MYO5B: variants seen among roughly 807,000 people sequenced by gnomAD.
MYO5B encodes myosin VB.
In MYO5B, 143 loss-of-function variants were observed where a neutral mutation model predicts 229.3. The observed-to-expected ratio is 0.62, with a 90% CI of 0.54 to 0.72. The LOEUF (loss-of-function observed/expected upper bound fraction) is 0.72. Ranked by LOEUF, MYO5B falls within the 30% of genes least tolerant of loss-of-function variation. MYO5B has a pLI of 0.00. For synonymous variants in MYO5B, 918 were observed against 885.2 expected (o/e 1.04, Z -0.66); for missense variants, 2,321 against 2,331.0 (o/e 1.00, Z 0.09).
chr18:50,090,923 A>C (rs1350873658), intron 1 of MYO5B, among the ~76,000 whole-genome samples: 1 of 152,234 alleles, frequency 6.6e-6, no homozygotes, highest in Non-Finnish European at 1.5e-5. Flanking sequence ...TTTTCAGCAG[A>C]AACAATTCTA....
intron 13 of MYO5B, among the ~76,000 whole-genome samples, chr18:49,953,590 T>C (rs1044330504): frequency 5.3e-5 from 8 of 152,222 alleles, no homozygotes; most frequent in Non-Finnish European, 1.0e-4. Context: ...TTCAGGGATC[T>C]ATAAATGCAG....
chr18:49,903,477 GA>G (rs2144145581), intron 20 of MYO5B, among the ~76,000 whole-genome samples: 1 of 152,274 alleles, frequency 6.6e-6, no homozygotes, highest in African/African-American at 2.4e-5. Context: ...CCCCTGCTGA[GA>G]AACTCCCAAA....
intron 1 of MYO5B, among the ~76,000 whole-genome samples, chr18:50,092,260 A>C (rs1455667946): frequency 6.6e-6 from 1 of 152,246 alleles, no homozygotes; most frequent in East Asian, 1.9e-4. Flanking sequence ...CTGTAGTAGC[A>C]GATGCAGCCC....
At chr18:49,929,485 G>C (rs773627715) in intron 17 of MYO5B, 27 bp downstream of exon 17, 7 of 1,581,482 alleles carry the variant, frequency 4.4e-6, no homozygotes, top group Non-Finnish European at 6.0e-6. Context: ...GCAGCCCCAG[G>C]AGGCAGCTGG....
intron 1 of MYO5B, among the ~76,000 whole-genome samples, chr18:50,176,958 C>T (rs1157310599): frequency 1.3e-5 from 2 of 152,128 alleles, no homozygotes; most frequent in African/African-American, 4.8e-5. Context: ...TGTTAGCCTG[C>T]CAGGACCATA....
rs11393869 is a variant in MYO5B, at chr18:50,090,338, C to CAAA, written c.28-34963_28-34961dup. Among the ~76,000 whole-genome samples the CAAA allele has an allele frequency of 3.5e-3, 477 of 136,340 alleles. 2 individuals carry two copies. Among genetic ancestry groups the CAAA allele is most frequent in the Middle Eastern group, 7.5e-3 (2 of 268 alleles). 89.4% of individuals were successfully genotyped at this position (136,340 alleles called of 152,430 possible). A position where few individuals can be genotyped will look rare whatever the true frequency, so the allele number is the denominator to read the frequency against. The stretch of plus-strand genomic sequence containing the variant: ...AGCCTAGGTTACAGAGCAAGACCCT[C>CAAA]AAAAAAAAAAAAAAAAATTCCCTCT... On this transcript the variant is annotated intron_variant, in intron 1 of 39. Transcript: ENST00000285039.
chr18:49,922,202 C>T (rs956346871), intron 17 of MYO5B, among the ~76,000 whole-genome samples: 3 of 152,222 alleles, frequency 2.0e-5, no homozygotes, highest in Non-Finnish European at 4.4e-5. Context: ...GTAGCTAACA[C>T]CTTGTTGGGC....
At chr18:49,916,473 G>A (rs2025015476) in intron 17 of MYO5B, among the ~76,000 whole-genome samples, 1 of 152,252 alleles carries the variant, frequency 6.6e-6, no homozygotes, top group Non-Finnish European at 1.5e-5. Context: ...TAGCCAGGGA[G>A]TTCAGGAGAT....
intron 1 of MYO5B, among the ~76,000 whole-genome samples, chr18:50,123,104 T>A (rs1023021520): frequency 6.6e-6 from 1 of 152,214 alleles, no homozygotes; most frequent in African/African-American, 2.4e-5. Context: ...ATGCGGTACA[T>A]CCCTACAACG....
At chr18:50,086,989 C>T (rs899130498) in intron 1 of MYO5B, among the ~76,000 whole-genome samples, 24 of 152,172 alleles carry the variant, frequency 1.6e-4, no homozygotes, top group African/African-American at 5.8e-4. Flanking sequence ...TAAACCTCTA[C>T]AGTAAATTGT....
intron 2 of MYO5B, 116 bp from the exon 3 acceptor site, chr18:50,040,430 A>G: frequency 9.2e-7 from 1 of 1,085,348 alleles, no homozygotes; most frequent in Admixed American, 1.7e-5. Flanking sequence ...AGTAATGAAG[A>G]TAATGTTTTA....
chr18:49,910,064 T>C (rs1267120186), intron 18 of MYO5B, among the ~76,000 whole-genome samples: 1 of 152,080 alleles, frequency 6.6e-6, no homozygotes, highest in Non-Finnish European at 1.5e-5. Context: ...TGCTAGACCA[T>C]GGGAAGCAGG....
chr18:49,986,599 G>A (rs2025873133), intron 7 of MYO5B, among the ~76,000 whole-genome samples: 1 of 152,190 alleles, frequency 6.6e-6, no homozygotes, highest in Non-Finnish European at 1.5e-5. Context: ...TTTTAATGAG[G>A]AAAACCACAT....
intron 33 of MYO5B, 83 bp downstream of exon 33, chr18:49,847,063 T>C (rs1487054867): frequency 2.4e-5 from 35 of 1,446,112 alleles, no homozygotes; most frequent in Middle Eastern, 4.1e-4. Flanking sequence ...AAGGAAGGGG[T>C]GTGGGGGTTG....
At position 49,864,180 on chromosome 18, in the gene MYO5B, G is replaced by C. The variant is rs751424284; in HGVS notation, c.3804C>G (p.Ile1268Met). 1 of 1,612,416 alleles carries C rather than the reference G, an allele frequency of 6.2e-7. No individual in the cohort carries two copies. The highest frequency in any genetic ancestry group is 8.5e-7 in the Non-Finnish European group (1 of 1,180,010). Reference sequence around the variant, plus strand: ...CGAGTCGCCGCTGGTCGGCGCTCACGATCTGGGTCCTGAGGATGAGCACCT... The same window carrying C: ...CGAGTCGCCGCTGGTCGGCGCTCACCATCTGGGTCCTGAGGATGAGCACCT... ...KEEVLILRTQ[I>M]VSADQRRLAG... Residue 1268 changes from isoleucine (I) to methionine (M), a missense_variant, in exon 28 of 40, where the codon ATC becomes ATG. This residue lies in a region of MYO5B where 2,113 missense variants were observed against 2,044.7 expected (regional missense o/e 1.03). Coordinates refer to ENST00000285039, the MANE Select transcript of MYO5B (RefSeq NM_001080467.3).
At chr18:50,077,378 G>C (rs2031108908) in intron 1 of MYO5B, among the ~76,000 whole-genome samples, 1 of 151,990 alleles carries the variant, frequency 6.6e-6, no homozygotes, top group Non-Finnish European at 1.5e-5. Context: ...CAACTCGGAA[G>C]TCCCTTTCTA....
At chr18:49,875,606 A>T in intron 26 of MYO5B, 81 bp downstream of exon 26, 1 of 1,575,854 alleles carries the variant, frequency 6.3e-7, no homozygotes, top group Non-Finnish European at 8.7e-7. Flanking sequence ...GTGGTCACAC[A>T]TGCCACATGA....
intron 39 of MYO5B, among the ~76,000 whole-genome samples, chr18:49,831,020 A>T (rs2023913433): frequency 6.6e-6 from 1 of 152,012 alleles, no homozygotes; most frequent in African/African-American, 2.4e-5. Context: ...ATTTTTGACA[A>T]GGGTGCCAAG....
intron 1 of MYO5B, among the ~76,000 whole-genome samples, chr18:50,108,522 T>C (rs1387819758): frequency 6.6e-6 from 1 of 152,156 alleles, no homozygotes; most frequent in African/African-American, 2.4e-5. Context: ...AATTTCAACA[T>C]GATTGTACTG....
Sources: gnomAD v4.1 joint callset for allele counts (sites outside exome capture counted in the v4.1 genomes callset) on GRCh38, gnomAD v4.1.1 for gene constraint, gnomAD v4.1.1 regional missense constraint, MANE v1.5 for transcripts, NCBI Gene and HGNC (gene_info 2026-07-23, HGNC 2026-07-21) for gene names.